DYNC1I1: variants seen among roughly 807,000 people sequenced by gnomAD.
DYNC1I1 encodes the protein dynein cytoplasmic 1 intermediate chain 1, also known as cytoplasmic dynein 1 intermediate chain 1.
In DYNC1I1, 43 loss-of-function variants were observed where a neutral mutation model predicts 86.6. The observed-to-expected ratio is 0.50, with a 90% CI of 0.39 to 0.64. The LOEUF is 0.64. DYNC1I1 is among the 30% of genes least tolerant of loss of function. The pLI, the probability that DYNC1I1 is intolerant of heterozygous loss-of-function variation, is 0.00. For synonymous variants in DYNC1I1, 262 were observed against 283.7 expected (o/e 0.92, Z 0.77); for missense variants, 604 against 788.8 (o/e 0.77, Z 2.81).
Position 96,098,311 on chromosome 7 carries a change from A to G in DYNC1I1, c.*718A>G. On this transcript the variant is annotated 3_prime_UTR_variant, in exon 17 of 17. Coordinates refer to ENST00000447467, the MANE Select transcript of DYNC1I1 (RefSeq NM_001135556.2). ...GCCTATTATTTCTGGGTACTTTAAC[A>G]ATATTTCAAATATCATTGACCACTA... The G allele has an allele frequency of 1.0e-6, 1 of 985,880 alleles. No homozygotes were observed. 61.1% of individuals were successfully genotyped at this position (985,880 alleles called of 1,614,324 possible).
At chr7:95,886,152 C>G (rs1197134731) in intron 6 of DYNC1I1, among the ~76,000 whole-genome samples, 1 of 152,132 alleles carries the variant, frequency 6.6e-6, no homozygotes, top group Non-Finnish European at 1.5e-5. Context: ...AACTAAGACT[C>G]AGGCCGGACG....
Position 95,977,604 on chromosome 7 carries a change from A to G in DYNC1I1, c.580+3A>G. The G allele has an allele frequency of 6.2e-7, 1 of 1,611,464 alleles. No individual in the cohort carries two copies. The highest frequency in any genetic ancestry group is 8.5e-7 in the Non-Finnish European group (1 of 1,179,004). ...CAAAAAACAGGAAGTGAAGGAAGGT[A>G]TGATATGGAAAATAAACTGAGTAAT... On this transcript the variant is annotated splice_donor_region_variant and intron_variant, in intron 7 of 16. Coordinates refer to ENST00000447467, the MANE Select transcript of DYNC1I1 (RefSeq NM_001135556.2).
At chr7:95,994,236 T>C (rs1022062619) in intron 9 of DYNC1I1, among the ~76,000 whole-genome samples, 1 of 152,150 alleles carries the variant, frequency 6.6e-6, no homozygotes, top group African/African-American at 2.4e-5. Context: ...CACAAGTTTA[T>C]TATATGCTAG....
At chr7:95,839,508 T>C (rs1789218237) in intron 5 of DYNC1I1, among the ~76,000 whole-genome samples, 1 of 152,192 alleles carries the variant, frequency 6.6e-6, no homozygotes, top group South Asian at 2.1e-4. Context: ...TCATATCTGT[T>C]TAGAATGTGT....
chr7:95,839,991 T>TC (rs948987760), intron 5 of DYNC1I1, among the ~76,000 whole-genome samples: 6 of 152,164 alleles, frequency 3.9e-5, no homozygotes, highest in Non-Finnish European at 7.4e-5. Flanking sequence ...TTTCTTGTTT[T>TC]CAAAATCCTC....
chr7:96,060,715 T>A (rs369692190), intron 14 of DYNC1I1, among the ~76,000 whole-genome samples: 3 of 152,236 alleles, frequency 2.0e-5, no homozygotes, highest in Admixed American at 1.3e-4. Context: ...TGGGAGAGGC[T>A]GTGCATGTGT....
At chr7:95,858,524 TATAATGTAC>T (rs1409241922) in intron 5 of DYNC1I1, among the ~76,000 whole-genome samples, 1 of 152,194 alleles carries the variant, frequency 6.6e-6, no homozygotes, top group Non-Finnish European at 1.5e-5. Flanking sequence ...TTATCAAATA[TATAATGTAC>T]ATAATTATAT....
chr7:96,003,158 A>G (rs1266416060), intron 10 of DYNC1I1, among the ~76,000 whole-genome samples: 1 of 152,188 alleles, frequency 6.6e-6, no homozygotes, highest in African/African-American at 2.4e-5. Flanking sequence ...CAGCATTTTA[A>G]TAACCCATAA....
intron 1 of DYNC1I1, among the ~76,000 whole-genome samples, chr7:95,801,476 A>G (rs1794576308): frequency 6.6e-6 from 1 of 152,202 alleles, no homozygotes; most frequent in Admixed American, 6.5e-5. Flanking sequence ...CTTAATAACC[A>G]TAAATATTGC....
At chr7:95,926,036 G>A (rs1347676602) in intron 6 of DYNC1I1, among the ~76,000 whole-genome samples, 1 of 152,142 alleles carries the variant, frequency 6.6e-6, no homozygotes, top group Non-Finnish European at 1.5e-5. Flanking sequence ...GGGTTGGCAA[G>A]GGTGTGCATT....
intron 14 of DYNC1I1, among the ~76,000 whole-genome samples, chr7:96,068,219 C>A (rs928255958): frequency 2.6e-5 from 4 of 152,068 alleles, no homozygotes; most frequent in Non-Finnish European, 4.4e-5. Flanking sequence ...GATTTCCATT[C>A]GGCTTTAGTG....
At chr7:95,983,217 C>T (rs942032779) in intron 7 of DYNC1I1, among the ~76,000 whole-genome samples, 3 of 152,124 alleles carry the variant, frequency 2.0e-5, no homozygotes, top group Non-Finnish European at 4.4e-5. Context: ...AGCAGCACTG[C>T]TCAGTAGAAG....
intron 6 of DYNC1I1, among the ~76,000 whole-genome samples, chr7:95,970,253 A>C (rs539085731): frequency 1.1e-3 from 174 of 152,244 alleles, no homozygotes; most frequent in Admixed American, 2.6e-3. Context: ...TCAGGTTCTC[A>C]ACTGCTGCTT....
intron 1 of DYNC1I1, among the ~76,000 whole-genome samples, chr7:95,794,822 G>T (rs186900067): frequency 5.9e-4 from 90 of 152,214 alleles, no homozygotes; most frequent in Middle Eastern, 3.4e-3. Context: ...GATACTAAAG[G>T]CTTAATTTTA....
intron 6 of DYNC1I1, among the ~76,000 whole-genome samples, chr7:95,936,824 A>G (rs1792052907): frequency 6.6e-6 from 1 of 152,132 alleles, no homozygotes; most frequent in Non-Finnish European, 1.5e-5. Context: ...GGTGGGGGAC[A>G]TGATTGGGGA....
At chr7:96,105,935 T>A (rs765087903) in intron 16 of DYNC1I1, among the ~76,000 whole-genome samples, 1 of 152,216 alleles carries the variant, frequency 6.6e-6, no homozygotes, top group Non-Finnish European at 1.5e-5. Flanking sequence ...TGTATCCATA[T>A]AAAGTTGTTC....
intron 14 of DYNC1I1, among the ~76,000 whole-genome samples, chr7:96,068,048 CA>C (rs1351953735): frequency 6.6e-6 from 1 of 152,058 alleles, no homozygotes; most frequent in African/African-American, 2.4e-5. Flanking sequence ...ATTTTTGGAC[CA>C]AACCAATGTG....
intron 6 of DYNC1I1, among the ~76,000 whole-genome samples, chr7:95,885,905 AT>A (rs1333988234): frequency 1.3e-5 from 2 of 152,210 alleles, no homozygotes; most frequent in South Asian, 2.1e-4. Context: ...CTTGCACTTA[AT>A]TTTTTGGCCT....
At chr7:95,967,643 C>T (rs188174245) in intron 6 of DYNC1I1, among the ~76,000 whole-genome samples, 2 of 152,180 alleles carry the variant, frequency 1.3e-5, no homozygotes, top group Admixed American at 6.5e-5. Context: ...CCATATACTT[C>T]AACTGTTTAT....
Sources: allele counts gnomAD v4.1 joint callset (sites outside exome capture counted in the v4.1 genomes callset), GRCh38; gene constraint gnomAD v4.1.1; transcripts MANE v1.5; gene names NCBI Gene and HGNC (gene_info 2026-07-23, HGNC 2026-07-21).